The following SLC16A7 variants were observed in gnomAD, a reference collection of about 807,000 sequenced individuals.
SLC16A7 encodes the protein monocarboxylate transporter 2.
Under a neutral mutation model 34.9 loss-of-function variants are expected in SLC16A7, and 33 were observed. The observed-to-expected ratio is 0.94, with a 90% CI of 0.72 to 1.26. SLC16A7 has a LOEUF of 1.26. Among genes scored for constraint, SLC16A7 ranks in the 50% most tolerant of loss-of-function variants. SLC16A7 has a pLI of 0.00. For synonymous variants in SLC16A7, 201 were observed against 206.6 expected (o/e 0.97, Z 0.23); for missense variants, 573 against 578.1 (o/e 0.99, Z 0.09).
intron 1 of SLC16A7, among the ~76,000 whole-genome samples, chr12:59,618,502 T>C (rs1390678610): frequency 6.6e-6 from 1 of 152,008 alleles, no homozygotes; most frequent in Non-Finnish European, 1.5e-5. Flanking sequence ...TTTTGGCTAA[T>C]GTTTGCCAAT....
In SLC16A7 at chr12:59,631,511, C is replaced by T. The variant is rs12315074; in HGVS notation, c.-129-23641C>T. Among the ~76,000 whole-genome samples, 323 of 152,034 alleles carry T rather than the reference C, an allele frequency of 2.1e-3. 3 individuals are homozygous for T. The East Asian group carries it at 0.024, about 11-fold the overall frequency. On this transcript the variant is annotated intron_variant, in intron 1 of 5. Coordinates refer to ENST00000547379, the MANE Select transcript of SLC16A7 (RefSeq NM_001270623.2). ...ACTTGCCTCATCAGTCCATTTATAA[C>T]GCATTGAGTATACAACTTGGTTTTG...
At chr12:59,713,021 C>A (rs551032934) in intron 3 of SLC16A7, among the ~76,000 whole-genome samples, 1 of 150,090 alleles carries the variant, frequency 6.7e-6, no homozygotes, top group South Asian at 2.1e-4. Flanking sequence ...CTTTTTTTTT[C>A]TTTTCTTTTC....
At chr12:59,645,676 G>A (rs1227698634) in intron 1 of SLC16A7, among the ~76,000 whole-genome samples, 1 of 152,138 alleles carries the variant, frequency 6.6e-6, no homozygotes, top group African/African-American at 2.4e-5. Flanking sequence ...AGAGAGTGGG[G>A]TGCTGCTATA....
Position 59,783,141 on chromosome 12 carries a change from AT to A in SLC16A7, c.*3468del, listed in dbSNP as rs77663935. The A allele has an allele frequency of 6.6e-6, 1 of 152,172 alleles. No homozygotes were observed. 9.4% of individuals were successfully genotyped at this position (152,172 alleles called of 1,614,324 possible). ...ATATTCTTGGTCAGTTGGTTGAAAC[AT>A]TTTTTATCTAAAACACCTTTAAAAA... On this transcript the variant is annotated 3_prime_UTR_variant, in exon 6 of 6. Coordinates refer to ENST00000547379, the MANE Select transcript of SLC16A7 (RefSeq NM_001270623.2).
intron 1 of SLC16A7, among the ~76,000 whole-genome samples, chr12:59,648,439 C>A (rs1868285374): frequency 6.6e-6 from 1 of 152,104 alleles, no homozygotes; most frequent in Non-Finnish European, 1.5e-5. Context: ...AGTAATTGTA[C>A]TTAGTACGTT....
At chr12:59,605,569 A>G (rs1369060797) in intron 1 of SLC16A7, among the ~76,000 whole-genome samples, 1 of 152,202 alleles carries the variant, frequency 6.6e-6, no homozygotes, top group African/African-American at 2.4e-5. Flanking sequence ...TTTAACAACT[A>G]TTTATTCCCC....
rs534758324 is a variant in SLC16A7 at position 59,664,119 on chromosome 12, TCAAA to T, written c.-31+8870_-31+8873del. On this transcript the variant is annotated intron_variant, in intron 2 of 5. Transcript: ENST00000547379. ...CAGCTATATGGCCTTACATAAGTAATCAAAACGCTGAGCTTCAGTGTCCCCATAG... is the reference window on the plus strand; with the variant it reads ...CAGCTATATGGCCTTACATAAGTAATACGCTGAGCTTCAGTGTCCCCATAG... 6.2e-4 allele frequency among the ~76,000 whole-genome samples: 95 copies of T among 152,202 alleles called. 1 individual carries two copies. The East Asian group carries it at 0.017, about 28-fold the overall frequency.
intron 1 of SLC16A7, among the ~76,000 whole-genome samples, chr12:59,622,960 G>C (rs1879759325): frequency 6.6e-6 from 1 of 151,222 alleles, no homozygotes; most frequent in Admixed American, 6.6e-5. Flanking sequence ...TTTTCTGCAT[G>C]GTGGGAGGGG....
chr12:59,682,392 T>TA (rs1477446721), intron 2 of SLC16A7, among the ~76,000 whole-genome samples: 1 of 152,172 alleles, frequency 6.6e-6, no homozygotes, highest in Non-Finnish European at 1.5e-5. Context: ...GTTCAGCATA[T>TA]CCTGACATGA....
intron 3 of SLC16A7, among the ~76,000 whole-genome samples, chr12:59,725,119 A>G (rs1876081305): frequency 6.6e-6 from 1 of 152,052 alleles, no homozygotes; most frequent in Non-Finnish European, 1.5e-5. Context: ...ATTCATTGCT[A>G]TGTTCATAAC....
At chr12:59,751,036 G>A (rs1377473127) in intron 3 of SLC16A7, among the ~76,000 whole-genome samples, 2 of 117,882 alleles carry the variant, frequency 1.7e-5, no homozygotes, top group African/African-American at 6.2e-5. Flanking sequence ...ACAGGGAGGG[G>A]AACATCACAC....
intron 2 of SLC16A7, among the ~76,000 whole-genome samples, chr12:59,691,569 A>G (rs991401418): frequency 7.0e-4 from 106 of 152,044 alleles, no homozygotes; most frequent in African/African-American, 2.4e-3. Context: ...GGCCTGATAA[A>G]TTTTGGATAC....
chr12:59,714,536 AC>A (rs1215165935), intron 3 of SLC16A7, among the ~76,000 whole-genome samples: 1 of 146,238 alleles, frequency 6.8e-6, no homozygotes, highest in Non-Finnish European at 1.5e-5. Flanking sequence ...ATGTGCACCC[AC>A]CCCTGGTGTC....
chr12:59,673,482 G>GTTT (rs34956184), intron 2 of SLC16A7, among the ~76,000 whole-genome samples: 2 of 140,084 alleles, frequency 1.4e-5, no homozygotes, highest in Non-Finnish European at 1.6e-5. Context: ...CAGCAAACAT[G>GTTT]TTTTTTTTTT....
chr12:59,779,715 TTATC>T lies in SLC16A7; in HGVS notation c.*39_*42del. On this transcript the variant is annotated 3_prime_UTR_variant, in exon 6 of 6. Coordinates refer to ENST00000547379, the MANE Select transcript of SLC16A7 (RefSeq NM_001270623.2). ...ATCTCTGATTTCAGTGTTTATGACTTTATCTAGGAGTTTGTTTTTCATTTTGTTT... is the reference window on the plus strand; with the variant it reads ...ATCTCTGATTTCAGTGTTTATGACTTTAGGAGTTTGTTTTTCATTTTGTTT... The T allele has an allele frequency of 3.9e-6, 6 of 1,535,544 alleles. No individual in the cohort carries two copies. The highest frequency in any genetic ancestry group is 2.4e-5 in the South Asian group (2 of 81,878).
intron 3 of SLC16A7, chr12:59,719,864 G>C (rs998301806): frequency 2.9e-5 from 14 of 476,346 alleles, no homozygotes; most frequent in East Asian, 3.5e-5. Context: ...GGCCTCCCAC[G>C]GAGTGGCCCA....
chr12:59,777,749 C>T (rs956202917), intron 5 of SLC16A7, among the ~76,000 whole-genome samples: 1 of 151,198 alleles, frequency 6.6e-6, no homozygotes, highest in Non-Finnish European at 1.5e-5. Flanking sequence ...GTGTGCTGTA[C>T]CCATTAACTC....
chr12:59,655,627 G>A (rs927336775), intron 2 of SLC16A7, among the ~76,000 whole-genome samples: 1 of 151,682 alleles, frequency 6.6e-6, no homozygotes, highest in East Asian at 1.9e-4. Context: ...AAAGCTAGAG[G>A]TATATACTTT....
At chr12:59,640,326 G>T (rs998223936) in intron 1 of SLC16A7, among the ~76,000 whole-genome samples, 1 of 151,982 alleles carries the variant, frequency 6.6e-6, no homozygotes, top group African/African-American at 2.4e-5. Context: ...TGACTTTTGG[G>T]GGACATTTCA....
Sources: gnomAD v4.1 joint callset for allele counts (sites outside exome capture counted in the v4.1 genomes callset) on GRCh38, gnomAD v4.1.1 for gene constraint, MANE v1.5 for transcripts, NCBI Gene and HGNC (gene_info 2026-07-23, HGNC 2026-07-21) for gene names.